Variants in SLC9A9 observed in about 807,000 individuals in gnomAD.
SLC9A9 encodes the protein solute carrier family 9 member A9, also known as sodium/hydrogen exchanger 9.
SLC9A9 carries 62 observed loss-of-function variants against 77.8 expected under a neutral mutation model. The observed-to-expected ratio is 0.80, with a 90% confidence interval of 0.65 to 0.98. The LOEUF (loss-of-function observed/expected upper bound fraction) is 0.98, where lower values mean the gene tolerates loss of function less well. Among genes scored for constraint, SLC9A9 ranks in the 50% least tolerant of loss-of-function variants. The pLI is 0.00. For synonymous variants in SLC9A9, 320 were observed against 283.5 expected (o/e 1.13, Z -1.29); for missense variants, 775 against 774.9 (o/e 1.00, Z 0.00).
chr3:143,821,753 G>A (rs976610009), intron 2 of SLC9A9, among the ~76,000 whole-genome samples: 36 of 152,158 alleles, frequency 2.4e-4, no homozygotes, highest in Non-Finnish European at 4.3e-4. Flanking sequence ...GGCTCACAAA[G>A]TTGTTGAATA....
rs577573323 is a variant in SLC9A9 at position 143,269,357 on chromosome 3, CCAGT to C, written c.1605-381_1605-378del. On this transcript the variant is annotated intron_variant, in intron 14 of 15. Transcript: ENST00000316549. ...CTGTACACACGCGTAGCTTAAACTG[CCAGT>C]AAGTTTTACAAAGATGCAAGAGGTA... Among the ~76,000 whole-genome samples the C allele has an allele frequency of 3.1e-3, 476 of 152,236 alleles. 7 individuals carry two copies. Among genetic ancestry groups the C allele is most frequent in the African/African-American group, 0.011 (467 of 41,540 alleles).
intron 4 of SLC9A9, among the ~76,000 whole-genome samples, chr3:143,727,874 A>G (rs1934699781): frequency 6.6e-6 from 1 of 152,224 alleles, no homozygotes; most frequent in Non-Finnish European, 1.5e-5. Flanking sequence ...AGCTAACATT[A>G]ATGTGTTTGA....
intron 11 of SLC9A9, among the ~76,000 whole-genome samples, chr3:143,467,762 A>AGAGAGAGAGAGAGAGAGAG (rs1553758010): frequency 1.3e-5 from 2 of 151,930 alleles, no homozygotes; most frequent in Non-Finnish European, 2.9e-5. Context: ...AGAGAGACAG[A>AGAGAGAGAGAGAGAGAGAG]AACATTTCCA....
intron 14 of SLC9A9, among the ~76,000 whole-genome samples, chr3:143,329,154 C>T (rs1386455092): frequency 1.3e-5 from 2 of 152,222 alleles, no homozygotes; most frequent in Non-Finnish European, 2.9e-5. Context: ...CCATAATGCT[C>T]ACAATAAATC....
intron 5 of SLC9A9, among the ~76,000 whole-genome samples, chr3:143,685,419 C>T (rs868642044): frequency 6.6e-6 from 1 of 151,910 alleles, no homozygotes; most frequent in Non-Finnish European, 1.5e-5. Context: ...AATCAAGACA[C>T]CCTGGATTAA....
At chr3:143,446,316 A>G (rs544693209) in intron 12 of SLC9A9, among the ~76,000 whole-genome samples, 3 of 152,036 alleles carry the variant, frequency 2.0e-5, no homozygotes, top group Admixed American at 2.0e-4. Context: ...AGGTAGATAC[A>G]CTGGGGACCT....
chr3:143,733,251 A>G (rs1311916174), intron 4 of SLC9A9, among the ~76,000 whole-genome samples: 1 of 152,150 alleles, frequency 6.6e-6, no homozygotes, highest in African/African-American at 2.4e-5. Flanking sequence ...ATGCATAAAT[A>G]CAGAAGAATA....
chr3:143,560,978 C>T (rs1031313780), intron 8 of SLC9A9, among the ~76,000 whole-genome samples: 5 of 152,064 alleles, frequency 3.3e-5, no homozygotes, highest in African/African-American at 1.2e-4. Context: ...GTCAGGAGTT[C>T]GAGACCAGCC....
intron 4 of SLC9A9, among the ~76,000 whole-genome samples, chr3:143,735,454 G>A (rs1175298324): frequency 2.6e-5 from 4 of 152,154 alleles, no homozygotes; most frequent in African/African-American, 4.8e-5. Flanking sequence ...AAGTAATGTT[G>A]GAGATGAAGT....
At chr3:143,634,458 A>G (rs978296107) in intron 6 of SLC9A9, among the ~76,000 whole-genome samples, 1 of 152,106 alleles carries the variant, frequency 6.6e-6, no homozygotes, top group African/African-American at 2.4e-5. Context: ...AGTGAAGTTC[A>G]TTGTATTTTT....
chr3:143,734,502 G>A (rs1291714020), intron 4 of SLC9A9, among the ~76,000 whole-genome samples: 2 of 152,112 alleles, frequency 1.3e-5, no homozygotes, highest in African/African-American at 2.4e-5. Flanking sequence ...TTGGGAGGCC[G>A]AGGTGGGCGG....
chr3:143,683,818 G>A (rs1933178038), intron 5 of SLC9A9, among the ~76,000 whole-genome samples: 1 of 151,944 alleles, frequency 6.6e-6, no homozygotes, highest in South Asian at 2.1e-4. Flanking sequence ...CTTTAACCAG[G>A]CAACTCACAA....
intron 4 of SLC9A9, among the ~76,000 whole-genome samples, chr3:143,755,286 A>G (rs2006884662): frequency 6.7e-6 from 1 of 150,072 alleles, no homozygotes; most frequent in African/African-American, 2.5e-5. Context: ...AGGTTTCTCC[A>G]AGTTGAACAT....
chr3:143,552,519 T>C, intron 8 of SLC9A9, 69 bp from the exon 9 acceptor site: 2 of 1,338,800 alleles, frequency 1.5e-6, no homozygotes, highest in Non-Finnish European at 2.1e-6. Context: ...GTTAGGGCTA[T>C]TCCAGTTGGA....
At chr3:143,348,290 C>T (rs1030258462) in intron 14 of SLC9A9, among the ~76,000 whole-genome samples, 22 of 152,164 alleles carry the variant, frequency 1.4e-4, no homozygotes, top group African/African-American at 4.8e-4. Flanking sequence ...CCACTGCGCC[C>T]GGCCCGAAGT....
chr3:143,449,898 A>G (rs1371736547), intron 12 of SLC9A9, among the ~76,000 whole-genome samples: 1 of 63,882 alleles, frequency 1.6e-5, no homozygotes, highest in Non-Finnish European at 2.5e-5. Context: ...ATAATTATAT[A>G]ACATATAATA....
At chr3:143,446,308 G>T (rs145402993) in intron 12 of SLC9A9, among the ~76,000 whole-genome samples, 109 of 152,172 alleles carry the variant, frequency 7.2e-4, no homozygotes, top group African/African-American at 2.5e-3. Flanking sequence ...GATGCAGGAG[G>T]TAGATACACT....
intron 14 of SLC9A9, among the ~76,000 whole-genome samples, chr3:143,336,475 A>T (rs918306566): frequency 2.0e-5 from 3 of 152,172 alleles, no homozygotes; most frequent in Admixed American, 6.5e-5. Flanking sequence ...ATAGCCAAGA[A>T]ATGGAAGAAG....
intron 14 of SLC9A9, among the ~76,000 whole-genome samples, chr3:143,272,174 G>A (rs959527092): frequency 2.6e-5 from 4 of 152,100 alleles, no homozygotes; most frequent in East Asian, 1.9e-4. Flanking sequence ...TTAAAAAACC[G>A]TTTTCTTTCA....
Sources: gnomAD v4.1 joint callset for allele counts (sites outside exome capture counted in the v4.1 genomes callset) on GRCh38, gnomAD v4.1.1 for gene constraint, MANE v1.5 for transcripts, NCBI Gene and HGNC (gene_info 2026-07-23, HGNC 2026-07-21) for gene names.